The following DNAH3 variants were observed in gnomAD, a reference collection of about 807,000 sequenced individuals.
DNAH3 encodes dynein axonemal heavy chain 3.
In DNAH3, 332 loss-of-function variants were observed where a neutral mutation model predicts 432.5. The observed-to-expected ratio is 0.77, with a 90% CI of 0.70 to 0.84. The LOEUF (loss-of-function observed/expected upper bound fraction) is 0.84, where lower values mean the gene tolerates loss of function less well. Among genes scored for constraint, DNAH3 ranks in the 40% least tolerant of loss-of-function variants. The pLI is 0.00. For missense variants in DNAH3, 4,861 were observed against 5,114.0 expected (o/e 0.95, Z 1.51); for synonymous variants, 1,956 against 1,900.2 (o/e 1.03, Z -0.76).
At chr16:21,092,698 CAAAAAAAAAAAAA>C (rs61277332) in intron 18 of DNAH3, among the ~76,000 whole-genome samples, 2 of 11,538 alleles carry the variant, frequency 1.7e-4, no homozygotes, top group Non-Finnish European at 3.3e-4. Context: ...AAAATATTTG[CAAAAAAAAAAAAA>C]AAAAAAAAAA....
intron 23 of DNAH3, among the ~76,000 whole-genome samples, chr16:21,068,528 T>C (rs1211507879): frequency 6.6e-6 from 1 of 152,210 alleles, no homozygotes; most frequent in Non-Finnish European, 1.5e-5. Flanking sequence ...TTATCCAGGC[T>C]GGTCTCCAAC....
intron 1 of DNAH3, among the ~76,000 whole-genome samples, chr16:21,156,389 G>C (rs112330491): frequency 2.4e-4 from 36 of 151,932 alleles, no homozygotes; most frequent in African/African-American, 7.2e-4. Flanking sequence ...GTGCCACTAT[G>C]CCCGGCTAAC....
At chr16:21,027,087 T>C (rs756274056) in exon 38 of DNAH3, 3 of 1,613,872 alleles carry the variant, frequency 1.9e-6, no homozygotes, top group Non-Finnish European at 2.5e-6. Flanking sequence ...CAGGCTCATC[T>C]TGGAGTTCAT....
chr16:21,121,004 G>T (rs1369263119), intron 10 of DNAH3: 2 of 716,676 alleles, frequency 2.8e-6, no homozygotes, highest in African/African-American at 1.7e-5. Flanking sequence ...GTACCAGATT[G>T]CAAAGAGAAG....
At chr16:21,134,285 G>A in exon 7 of DNAH3, 1 of 1,613,042 alleles carries the variant, frequency 6.2e-7, no homozygotes, top group Non-Finnish European at 8.5e-7. Flanking sequence ...CTTTCAGCCT[G>A]AGCATCATGG....
In DNAH3 at chr16:21,141,288, G is replaced by A; in HGVS notation, c.521+12C>T. On this transcript the variant is annotated intron_variant, in intron 4 of 61. Coordinates refer to ENST00000261383, the Ensembl canonical transcript of DNAH3. ...CGTCCTGCCTTCTCTGGTGCCCACA[G>A]TGATATCTTACCTAGTGGAATCCTC... 2 of 1,574,112 alleles carry A rather than the reference G, an allele frequency of 1.3e-6. No individual in the cohort carries two copies. Among genetic ancestry groups the A allele is most frequent in the Non-Finnish European group, 1.7e-6 (2 of 1,154,998 alleles).
chr16:21,071,899 G>A (rs1192277869), intron 21 of DNAH3, among the ~76,000 whole-genome samples: 3 of 152,024 alleles, frequency 2.0e-5, no homozygotes, highest in Non-Finnish European at 2.9e-5. Flanking sequence ...TAGGAAGATC[G>A]GCTGCTAATC....
chr16:21,029,799 G>A (rs2152722520), intron 37 of DNAH3, among the ~76,000 whole-genome samples: 1 of 152,244 alleles, frequency 6.6e-6, no homozygotes, highest in East Asian at 1.9e-4. Context: ...GTTGTGTTGG[G>A]CAAGTTACAT....
chr16:21,153,540 C>G (rs919470968), intron 1 of DNAH3, among the ~76,000 whole-genome samples: 1 of 152,168 alleles, frequency 6.6e-6, no homozygotes, highest in African/African-American at 2.4e-5. Context: ...GCTGCCCGGG[C>G]CAGCAGTGGC....
At chr16:21,153,719 A>G (rs1398883228) in intron 1 of DNAH3, among the ~76,000 whole-genome samples, 1 of 152,120 alleles carries the variant, frequency 6.6e-6, no homozygotes. Context: ...TCCGAGCATC[A>G]GAAGGAACAA....
chr16:20,945,934 C>A (rs758192263), intron 57 of DNAH3, among the ~76,000 whole-genome samples: 1 of 152,188 alleles, frequency 6.6e-6, no homozygotes, highest in Non-Finnish European at 1.5e-5. Flanking sequence ...TTGAACTTGT[C>A]ATCTGAAACC....
At chr16:21,066,687 C>A (rs2090562621) in intron 24 of DNAH3, among the ~76,000 whole-genome samples, 1 of 152,056 alleles carries the variant, frequency 6.6e-6, no homozygotes, top group Non-Finnish European at 1.5e-5. Flanking sequence ...ACCTAAAACT[C>A]CCTTGACTTT....
At chr16:21,049,862 G>T in intron 30 of DNAH3, 48 bp downstream of exon 30, 1 of 1,499,450 alleles carries the variant, frequency 6.7e-7, no homozygotes, top group Non-Finnish European at 9.3e-7. Flanking sequence ...CAGGAGGGGT[G>T]CAGAGAGGGC....
intron 16 of DNAH3, among the ~76,000 whole-genome samples, chr16:21,099,090 T>C (rs1435567593): frequency 6.6e-6 from 1 of 152,234 alleles, no homozygotes; most frequent in Non-Finnish European, 1.5e-5. Context: ...TGTTTATTCA[T>C]TCAGCCATTA....
At position 21,111,762 on chromosome 16, in the gene DNAH3, T is replaced by C. The variant is rs921501109; in HGVS notation, c.1963A>G (p.Met655Val). 4 of 1,613,900 alleles carry C rather than the reference T, an allele frequency of 2.5e-6. No individual in the cohort carries two copies. Among genetic ancestry groups the C allele is most frequent in the East Asian group, 2.2e-5 (1 of 44,860 alleles). The change falls in exon 14 of 62, where the codon ATG (methionine) becomes GTG (valine). Residue 655 changes from methionine to valine, a missense_variant. By Grantham distance (21) the Met-to-Val change is conservative (BLOSUM62 1). Transcript: ENST00000261383. ...ATGGCTAAAGGCACGGTGATGTTCATGGATGCAATTTCATTTCTCCGTTTC... is the reference window on the plus strand; with the variant it reads ...ATGGCTAAAGGCACGGTGATGTTCACGGATGCAATTTCATTTCTCCGTTTC...
At chr16:21,145,212 C>G in exon 3 of DNAH3, 3 of 1,612,762 alleles carry the variant, frequency 1.9e-6, no homozygotes, top group Non-Finnish European at 2.5e-6. Flanking sequence ...CGGTCCTGTC[C>G]CTAGGGACAC....
Position 20,960,461 on chromosome 16 carries a change from G to A in DNAH3, c.10601-1057C>T, listed in dbSNP as rs566900831. Among the ~76,000 whole-genome samples the A allele has an allele frequency of 5.3e-5, 8 of 152,252 alleles. No homozygotes were observed. The South Asian group carries it at 6.2e-4, about 12-fold the overall frequency. Reference sequence around the variant, plus strand: ...AGCACTTTGGGAGGCCGAGACGAGCGGATCACTTGAGGTCAGGAATTCGAG... The same window carrying A: ...AGCACTTTGGGAGGCCGAGACGAGCAGATCACTTGAGGTCAGGAATTCGAG... On this transcript the variant is annotated intron_variant, in intron 53 of 61. Coordinates refer to ENST00000261383, the Ensembl canonical transcript of DNAH3.
intron 54 of DNAH3, among the ~76,000 whole-genome samples, chr16:20,955,771 T>C (rs554472973): frequency 1.3e-5 from 2 of 152,282 alleles, no homozygotes; most frequent in East Asian, 3.9e-4. Context: ...AATTCTTTTT[T>C]AAATGCAAGT....
intron 20 of DNAH3, among the ~76,000 whole-genome samples, chr16:21,075,958 A>G (rs1377864270): frequency 6.7e-6 from 1 of 148,278 alleles, no homozygotes; most frequent in Admixed American, 6.8e-5. Flanking sequence ...ATTTCAGCTC[A>G]GTCTTAGGAG....
Sources: gnomAD v4.1 joint callset for allele counts (sites outside exome capture counted in the v4.1 genomes callset) on GRCh38, gnomAD v4.1.1 for gene constraint, MANE v1.5 for transcripts, NCBI Gene and HGNC (gene_info 2026-07-23, HGNC 2026-07-21) for gene names.